Variants in GRXCR1 observed in about 807,000 individuals in gnomAD.
The protein encoded by GRXCR1 is glutaredoxin domain-containing cysteine-rich protein 1.
GRXCR1 carries 27 observed loss-of-function variants against 27.3 expected under a neutral mutation model. The ratio of observed to expected loss-of-function variants is 0.99; its 90% confidence interval spans 0.73 to 1.37. The LOEUF (loss-of-function observed/expected upper bound fraction) is 1.37, where lower values mean the gene tolerates loss of function less well. Among genes scored for constraint, GRXCR1 ranks in the 40% most tolerant of loss-of-function variants. The probability of loss-of-function intolerance (pLI) is 0.00; values close to 1 mark genes in which losing one functional copy is unlikely to be tolerated. For missense variants in GRXCR1, 379 were observed against 354.4 expected (o/e 1.07, Z -0.56); for synonymous variants, 122 against 131.1 (o/e 0.93, Z 0.47).
chr4:42,984,522 T>C (rs1711619713), intron 2 of GRXCR1, among the ~76,000 whole-genome samples: 2 of 152,260 alleles, frequency 1.3e-5, no homozygotes. Context: ...TCTAGTCTTC[T>C]AGACTGGCCT....
At chr4:42,906,885 C>T (rs964928743) in intron 1 of GRXCR1, among the ~76,000 whole-genome samples, 12 of 152,054 alleles carry the variant, frequency 7.9e-5, no homozygotes, top group Admixed American at 4.6e-4. Context: ...CATTTGTCCC[C>T]GAATATTTTG....
chr4:43,006,996 G>A lies in GRXCR1; in HGVS notation c.628-13358G>A, dbSNP rs577865215. ...TCTGGGCAGGTTCCCCGATAAAGGA[G>A]CTTACATCCTATTGTGTGTTGGGAA... On this transcript the variant is annotated intron_variant, in intron 2 of 3. Transcript: ENST00000399770. 2.0e-5 allele frequency among the ~76,000 whole-genome samples: 3 copies of A among 152,270 alleles called. No individual in the cohort carries two copies. In the South Asian group the frequency reaches 6.2e-4, roughly 32 times the overall value.
At chr4:42,940,705 A>C (rs1213009974) in intron 1 of GRXCR1, among the ~76,000 whole-genome samples, 2 of 152,062 alleles carry the variant, frequency 1.3e-5, no homozygotes, top group Non-Finnish European at 2.9e-5. Flanking sequence ...TGGCATTGAT[A>C]AAATCTTTTG....
intron 1 of GRXCR1, among the ~76,000 whole-genome samples, chr4:42,901,277 CT>C (rs747775983): frequency 1.3e-5 from 2 of 152,158 alleles, no homozygotes; most frequent in African/African-American, 2.4e-5. Flanking sequence ...AACTTAGAGC[CT>C]TAAATCAGCG....
intron 2 of GRXCR1, among the ~76,000 whole-genome samples, chr4:42,987,873 G>T (rs1045817737): frequency 5.3e-5 from 8 of 152,178 alleles, no homozygotes; most frequent in African/African-American, 1.9e-4. Context: ...CTATGACACA[G>T]AACTCAACTC....
chr4:42,949,845 C>G (rs1249814291), intron 1 of GRXCR1, among the ~76,000 whole-genome samples: 1 of 152,140 alleles, frequency 6.6e-6, no homozygotes, highest in Non-Finnish European at 1.5e-5. Flanking sequence ...CCAATTTTCT[C>G]AAATTCTGAA....
chr4:42,976,653 T>C (rs912074353), intron 2 of GRXCR1, among the ~76,000 whole-genome samples: 2 of 152,004 alleles, frequency 1.3e-5, no homozygotes, highest in African/African-American at 2.4e-5. Flanking sequence ...CTTTTGCATG[T>C]ATGTAATTTT....
In GRXCR1 at chr4:42,962,616, T is replaced by C. The variant is rs138912900; in HGVS notation, c.385-276T>C. On this transcript the variant is annotated intron_variant, in intron 1 of 3. Coordinates refer to ENST00000399770, the MANE Select transcript of GRXCR1 (RefSeq NM_001080476.3). Reference sequence around the variant, plus strand: ...TTCAGTCATTTACTATTTTACCACATGGCATCCCATGTGAGATGTGATCAA... The same window carrying C: ...TTCAGTCATTTACTATTTTACCACACGGCATCCCATGTGAGATGTGATCAA... Among the ~76,000 whole-genome samples the C allele has an allele frequency of 3.6e-3, 547 of 152,070 alleles. 5 individuals are homozygous for C. Among genetic ancestry groups the C allele is most frequent in the African/African-American group, 0.011 (458 of 41,534 alleles).
At chr4:42,991,993 T>C (rs1711990003) in intron 2 of GRXCR1, among the ~76,000 whole-genome samples, 2 of 152,336 alleles carry the variant, frequency 1.3e-5, no homozygotes, top group South Asian at 4.1e-4. Context: ...CAGTCCTGGC[T>C]GCCCTTCCTT....
chr4:43,029,498 C>T (rs181832458), intron 3 of GRXCR1, among the ~76,000 whole-genome samples: 1 of 152,204 alleles, frequency 6.6e-6, no homozygotes, highest in East Asian at 1.9e-4. Flanking sequence ...CCTAATCTCC[C>T]CTAAACTGAT....
rs181960508 is a variant in GRXCR1 at position 42,900,630 on chromosome 4, T to C, written c.384+6980T>C. Among the ~76,000 whole-genome samples the C allele has an allele frequency of 9.2e-5, 14 of 152,244 alleles. No homozygotes were observed. The East Asian group carries it at 2.7e-3, about 29-fold the overall frequency. ...AGTGAAAACCAAGGTGTTGATTTGC[T>C]AGAGATAGATTTTGTCAGATGAGAA... On this transcript the variant is annotated intron_variant, in intron 1 of 3. Coordinates refer to ENST00000399770, the MANE Select transcript of GRXCR1 (RefSeq NM_001080476.3).
At chr4:42,914,995 T>C (rs1455781114) in intron 1 of GRXCR1, among the ~76,000 whole-genome samples, 1 of 152,128 alleles carries the variant, frequency 6.6e-6, no homozygotes. Context: ...CCTTGTAAGT[T>C]CCCCAGCCAT....
chr4:42,919,866 T>A (rs916314275), intron 1 of GRXCR1, among the ~76,000 whole-genome samples: 18 of 152,186 alleles, frequency 1.2e-4, no homozygotes, highest in Non-Finnish European at 5.9e-5. Context: ...GATTTGGAAA[T>A]CTGTCAGTTG....
chr4:42,975,699 T>TA (rs1748504182), intron 2 of GRXCR1, among the ~76,000 whole-genome samples: 1 of 152,178 alleles, frequency 6.6e-6, no homozygotes, highest in Non-Finnish European at 1.5e-5. Context: ...AGTAGCATCT[T>TA]ACCCTTGGTC....
intron 1 of GRXCR1, among the ~76,000 whole-genome samples, chr4:42,894,835 G>C (rs910798913): frequency 2.0e-5 from 3 of 152,056 alleles, no homozygotes; most frequent in Admixed American, 1.3e-4. Flanking sequence ...TGATTATTTG[G>C]TTATGGCAAT....
At chr4:42,983,894 G>T (rs1711576227) in intron 2 of GRXCR1, among the ~76,000 whole-genome samples, 2 of 148,820 alleles carry the variant, frequency 1.3e-5, no homozygotes, top group Non-Finnish European at 3.0e-5. Context: ...GCAGTGCAGT[G>T]GTGTGATCTC....
chr4:42,939,761 T>C (rs1747566978), intron 1 of GRXCR1, among the ~76,000 whole-genome samples: 2 of 152,126 alleles, frequency 1.3e-5, no homozygotes, highest in South Asian at 4.1e-4. Context: ...AGGGAGAAGA[T>C]TCCATTATAT....
At chr4:42,908,942 C>T (rs1374791645) in intron 1 of GRXCR1, among the ~76,000 whole-genome samples, 1 of 152,086 alleles carries the variant, frequency 6.6e-6, no homozygotes. Context: ...ACATGTTGTG[C>T]CCAAACCCTA....
chr4:42,940,417 C>G (rs1309963940), intron 1 of GRXCR1, among the ~76,000 whole-genome samples: 2 of 152,072 alleles, frequency 1.3e-5, no homozygotes, highest in Non-Finnish European at 2.9e-5. Context: ...CACCCCAAAA[C>G]TGACTAATTT....
Sources: gnomAD v4.1 joint callset for allele counts (sites outside exome capture counted in the v4.1 genomes callset) on GRCh38, gnomAD v4.1.1 for gene constraint, MANE v1.5 for transcripts, NCBI Gene and HGNC (gene_info 2026-07-23, HGNC 2026-07-21) for gene names.